The following TMEM196 variants were observed in gnomAD, a reference collection of about 807,000 sequenced individuals.
The protein encoded by TMEM196 is transmembrane protein 196.
A neutral mutation model predicts 20.0 loss-of-function variants in TMEM196; 17 were observed. The ratio of observed to expected loss-of-function variants is 0.85; its 90% CI spans 0.58 to 1.27. The LOEUF (loss-of-function observed/expected upper bound fraction) is 1.27. Among genes scored for constraint, TMEM196 ranks in the 50% most tolerant of loss-of-function variants. The pLI, the probability that TMEM196 is intolerant of heterozygous loss-of-function variation, is 0.00. For missense variants in TMEM196, 267 were observed against 223.0 expected, an observed-to-expected ratio of 1.20 and a Z score of -1.26; for synonymous variants, 113 against 88.9, an observed-to-expected ratio of 1.27 and a Z score of -1.52.
At chr7:19,758,531 T>C (rs1023250967) in intron 1 of TMEM196, among the ~76,000 whole-genome samples, 30 of 152,190 alleles carry the variant, frequency 2.0e-4, no homozygotes, top group Non-Finnish European at 3.8e-4. Flanking sequence ...AAACAGATGA[T>C]TTGGACTCTG....
intron 3 of TMEM196, 121 bp from the exon 4 acceptor site, chr7:19,724,474 A>T: frequency 1.2e-6 from 1 of 838,364 alleles, no homozygotes; most frequent in South Asian, 1.7e-5. Flanking sequence ...TAAAATGGTC[A>T]TCTATTTTTA....
rs1784820820 is a variant in TMEM196 at position 19,747,988 on chromosome 7, T to C, written c.148-18550A>G. On this transcript the variant is annotated intron_variant, in intron 1 of 4. Coordinates refer to ENST00000405844, the MANE Select transcript of TMEM196 (RefSeq NM_001363562.2). ...TAATTAACAACTAAAATATTGATCGTTACCTCTAACTGGGAGTGATTTGTA... is the reference window on the plus strand; with the variant it reads ...TAATTAACAACTAAAATATTGATCGCTACCTCTAACTGGGAGTGATTTGTA... Among the ~76,000 whole-genome samples the C allele has an allele frequency of 1.3e-5, 2 of 152,166 alleles. 1 individual carries two copies. Among genetic ancestry groups the C allele is most frequent in the Admixed American group, 1.3e-4 (2 of 15,280 alleles).
Position 19,725,522 on chromosome 7 carries a change from C to G in TMEM196, c.451G>C (p.Ala151Pro), listed in dbSNP as rs1783964352. The G allele has an allele frequency of 1.2e-6, 2 of 1,604,588 alleles. No homozygotes were observed. The highest frequency in any genetic ancestry group is 1.7e-6 in the Non-Finnish European group (2 of 1,171,956). The change falls in exon 3 of 5, where the codon GCT (alanine) becomes CCT (proline). Residue 151 changes from alanine (A) to proline (P), a missense_variant. Ala to Pro is a conservative substitution (Grantham distance 27). Transcript: ENST00000405844. ...EHSLHHSHEM[A>P]EKRLRAIEIT... is the part of the protein sequence containing the mutation. ...AAAGGTACAAAACTCACTTTCTCAG[C>G]CATTTCATGAGAGTGATGCAGGGAA... is the stretch of plus-strand genomic sequence containing the variant.
chr7:19,729,256 G>GT (rs11401553), intron 2 of TMEM196, 126 bp downstream of exon 2: 179,489 of 430,856 alleles, frequency 0.42, 23,862 homozygotes, highest in African/African-American at 0.65. Context: ...TTATTTGTCA[G>GT]TTTTTTTTTT....
At chr7:19,739,265 C>G (rs57139679) in intron 1 of TMEM196, among the ~76,000 whole-genome samples, 11,909 of 152,038 alleles carry the variant, frequency 0.078, 864 homozygotes, top group African/African-American at 0.19. Flanking sequence ...AGAAAGGTAG[C>G]AAGGCACAAA....
At chr7:19,724,496 T>C (rs1783923293) in intron 3 of TMEM196, 143 bp from the exon 4 acceptor site, 3 of 720,988 alleles carry the variant, frequency 4.2e-6, no homozygotes, top group Non-Finnish European at 6.8e-6. Context: ...CAATCATTTC[T>C]TTAAATTACT....
At chr7:19,771,322 T>A (rs1464725757) in intron 1 of TMEM196, among the ~76,000 whole-genome samples, 2 of 152,196 alleles carry the variant, frequency 1.3e-5, no homozygotes, top group Non-Finnish European at 2.9e-5. Context: ...GAATTCAATG[T>A]TAGGATTGAA....
Position 19,769,106 on chromosome 7 carries a change from A to G in TMEM196, c.147+3444T>C, listed in dbSNP as rs192591317. ...CAGCAATCTTATAGTAATGATATTAATGTGTTGAAAGGAGTTTTACAGCAC... is the reference window on the plus strand; with the variant it reads ...CAGCAATCTTATAGTAATGATATTAGTGTGTTGAAAGGAGTTTTACAGCAC... On this transcript the variant is annotated intron_variant, in intron 1 of 4. Transcript: ENST00000405844. Among the ~76,000 whole-genome samples, 519 of 152,294 alleles carry G rather than the reference A, an allele frequency of 3.4e-3. 5 individuals are homozygous for G. Among genetic ancestry groups the G allele is most frequent in the African/African-American group, 0.012 (486 of 41,578 alleles).
chr7:19,740,755 T>C (rs928589133), intron 1 of TMEM196, among the ~76,000 whole-genome samples: 6 of 151,788 alleles, frequency 4.0e-5, no homozygotes, highest in African/African-American at 1.5e-4. Flanking sequence ...CCAAGGCTGG[T>C]TTTGCATGTG....
chr7:19,768,262 T>A (rs558690596), intron 1 of TMEM196, among the ~76,000 whole-genome samples: 1 of 152,098 alleles, frequency 6.6e-6, no homozygotes, highest in African/African-American at 2.4e-5. Flanking sequence ...GAAAAGTTTG[T>A]TTAATAAATT....
chr7:19,762,126 A>G (rs1231324543), intron 1 of TMEM196, among the ~76,000 whole-genome samples: 1 of 152,182 alleles, frequency 6.6e-6, no homozygotes, highest in African/African-American at 2.4e-5. Context: ...TGAATTTTAT[A>G]TAAGGGGAAC....
intron 1 of TMEM196, among the ~76,000 whole-genome samples, chr7:19,765,419 G>T (rs986102358): frequency 2.0e-5 from 3 of 152,070 alleles, no homozygotes; most frequent in Admixed American, 6.6e-5. Flanking sequence ...TTTAATTGAG[G>T]TATCTGTGAA....
chr7:19,757,754 A>G (rs1014376791), intron 1 of TMEM196, among the ~76,000 whole-genome samples: 1 of 152,040 alleles, frequency 6.6e-6, no homozygotes, highest in Non-Finnish European at 1.5e-5. Flanking sequence ...TGGTATATAA[A>G]ATTAATTAAT....
At chr7:19,738,671 C>T (rs1412702407) in intron 1 of TMEM196, among the ~76,000 whole-genome samples, 2 of 152,040 alleles carry the variant, frequency 1.3e-5, no homozygotes, top group Non-Finnish European at 2.9e-5. Context: ...ACTGAAATAG[C>T]TTCCAATGAC....
At chr7:19,765,948 G>C (rs1785610371) in intron 1 of TMEM196, among the ~76,000 whole-genome samples, 1 of 152,134 alleles carries the variant, frequency 6.6e-6, no homozygotes, top group African/African-American at 2.4e-5. Flanking sequence ...ATCACTAGTG[G>C]ACTCTAGGTC....
chr7:19,738,383 C>T (rs557867333), intron 1 of TMEM196, among the ~76,000 whole-genome samples: 2 of 152,110 alleles, frequency 1.3e-5, no homozygotes, highest in Non-Finnish European at 2.9e-5. Flanking sequence ...ACATATATAA[C>T]TATTTATATA....
intron 1 of TMEM196, among the ~76,000 whole-genome samples, chr7:19,770,227 C>T (rs1244815671): frequency 2.6e-5 from 4 of 152,308 alleles, no homozygotes; most frequent in South Asian, 4.1e-4. Flanking sequence ...TCTAATTTCT[C>T]ATTGCTGGCA....
At chr7:19,746,443 C>G (rs886591673) in intron 1 of TMEM196, among the ~76,000 whole-genome samples, 4 of 152,146 alleles carry the variant, frequency 2.6e-5, no homozygotes, top group Admixed American at 2.0e-4. Flanking sequence ...TGTAGATGCT[C>G]AATTTTCGAA....
intron 1 of TMEM196, among the ~76,000 whole-genome samples, chr7:19,741,592 C>T (rs1044790853): frequency 6.6e-6 from 1 of 152,138 alleles, no homozygotes. Context: ...TTCCACATGT[C>T]ACAGTCATGA....
Sources: allele counts gnomAD v4.1 joint callset (sites outside exome capture counted in the v4.1 genomes callset), GRCh38; gene constraint gnomAD v4.1.1; transcripts MANE v1.5; gene names NCBI Gene and HGNC (gene_info 2026-07-23, HGNC 2026-07-21).